The following ADGRB3 variants were observed in gnomAD, a reference collection of about 807,000 sequenced individuals.
ADGRB3 encodes adhesion G protein-coupled receptor B3.
ADGRB3 carries 37 observed loss-of-function variants against 193.4 expected under a neutral mutation model. The observed-to-expected ratio is 0.19, with a 90% CI of 0.15 to 0.25. The LOEUF is 0.25. Ranked by LOEUF, ADGRB3 falls within the 10% of genes least tolerant of loss-of-function variation. ADGRB3 has a pLI of 1.00. For missense variants in ADGRB3, 1,637 were observed against 1,852.9 expected (o/e 0.88, Z 2.14); for synonymous variants, 690 against 644.2 (o/e 1.07, Z -1.08).
At chr6:68,729,918 A>G (rs1039550633) in intron 3 of ADGRB3, among the ~76,000 whole-genome samples, 1 of 151,586 alleles carries the variant, frequency 6.6e-6, no homozygotes, top group Non-Finnish European at 1.5e-5. Flanking sequence ...AGCTCTGGAG[A>G]TACAAAGATG....
chr6:68,926,121 T>A (rs1360643988), intron 3 of ADGRB3, among the ~76,000 whole-genome samples: 1 of 152,116 alleles, frequency 6.6e-6, no homozygotes, highest in African/African-American at 2.4e-5. Context: ...ATCTAGAAAC[T>A]TGCACTTTGG....
chr6:69,045,901 A>T (rs1182034644), intron 13 of ADGRB3, among the ~76,000 whole-genome samples: 1 of 152,164 alleles, frequency 6.6e-6, no homozygotes, highest in African/African-American at 2.4e-5. Context: ...TTTAATCTAG[A>T]CTATGTTCAA....
At chr6:68,716,389 G>T (rs1195571003) in intron 3 of ADGRB3, among the ~76,000 whole-genome samples, 1 of 151,684 alleles carries the variant, frequency 6.6e-6, no homozygotes, top group Non-Finnish European at 1.5e-5. Flanking sequence ...GCATGTCCAT[G>T]ATCAAGAAAG....
intron 20 of ADGRB3, among the ~76,000 whole-genome samples, chr6:69,319,915 T>C (rs1379234772): frequency 6.6e-6 from 1 of 151,512 alleles, no homozygotes; most frequent in Non-Finnish European, 1.5e-5. Flanking sequence ...TTACCATTTA[T>C]TGTGATTTTT....
chr6:68,772,875 AAACAAAC>A (rs1395026613), intron 3 of ADGRB3, among the ~76,000 whole-genome samples: 14 of 22,550 alleles, frequency 6.2e-4, no homozygotes, highest in East Asian at 1.9e-3. Flanking sequence ...ACAAACAAAC[AAACAAAC>A]AAAAAAAAAA....
intron 13 of ADGRB3, among the ~76,000 whole-genome samples, chr6:69,033,869 G>C (rs1562130299): frequency 1.3e-5 from 2 of 151,896 alleles, no homozygotes; most frequent in Non-Finnish European, 2.9e-5. Flanking sequence ...AGATTTAAGG[G>C]GTTTATAATT....
At chr6:69,226,781 G>T (rs569106347) in intron 17 of ADGRB3, among the ~76,000 whole-genome samples, 2 of 152,228 alleles carry the variant, frequency 1.3e-5, no homozygotes, top group Admixed American at 1.3e-4. Context: ...GGTTAATTGC[G>T]TATAACCTCA....
chr6:68,821,002 C>T (rs942782313), intron 3 of ADGRB3, among the ~76,000 whole-genome samples: 7 of 151,936 alleles, frequency 4.6e-5, no homozygotes, highest in African/African-American at 1.4e-4. Context: ...TTCAAGGCCC[C>T]CTTCAAATGT....
chr6:68,693,563 T>G lies in ADGRB3; in HGVS notation c.757+54131T>G, dbSNP rs896078241. On this transcript the variant is annotated intron_variant, in intron 3 of 31. Transcript: ENST00000370598. ...GTGAGCTTAAGAAAGAAAATGATAG[T>G]GGGAAAATTGTTAAAGTCAAATAGT... is the stretch of plus-strand genomic sequence containing the variant. 2.0e-5 allele frequency among the ~76,000 whole-genome samples: 3 copies of G among 151,954 alleles called. No homozygotes were observed. The East Asian group carries it at 5.8e-4, about 29-fold the overall frequency.
intron 17 of ADGRB3, among the ~76,000 whole-genome samples, chr6:69,151,893 C>G (rs923034446): frequency 1.3e-5 from 2 of 152,106 alleles, no homozygotes; most frequent in Admixed American, 6.5e-5. Flanking sequence ...GGTGGTTATT[C>G]TCATGCTGTT....
chr6:69,150,996 A>T (rs772560179), intron 17 of ADGRB3, among the ~76,000 whole-genome samples: 1 of 152,192 alleles, frequency 6.6e-6, no homozygotes, highest in Non-Finnish European at 1.5e-5. Flanking sequence ...CAAAGTCCAC[A>T]TTATGCTTTC....
chr6:68,722,605 C>CTT lies in ADGRB3; in HGVS notation c.757+83184_757+83185dup, dbSNP rs200217245. ...ATTTGTGTTAAATTTATTTCTTTTT[C>CTT]TTTTTTTTTTTTAACTGAATCTATC... On this transcript the variant is annotated intron_variant, in intron 3 of 31. Coordinates refer to ENST00000370598, the MANE Select transcript of ADGRB3 (RefSeq NM_001704.3). Among the ~76,000 whole-genome samples, 23 of 143,292 alleles carry CTT rather than the reference C, an allele frequency of 1.6e-4. No homozygotes were observed. In the East Asian group the frequency reaches 2.4e-3, roughly 15 times the overall value. The allele number at this position is 143,292 out of a possible 152,430, so 94.0% of individuals were successfully genotyped here. A position where few individuals can be genotyped will look rare whatever the true frequency, so the allele number is the denominator to read the frequency against.
Position 69,072,297 on chromosome 6 carries a change from C to T in ADGRB3, c.2437-3698C>T, listed in dbSNP as rs140665861. ...ATTTTGGAACCTATAATAATGCTCA[C>T]ATGTATGGTGTTTAAATTTTCATAA... On this transcript the variant is annotated intron_variant, in intron 16 of 31. Coordinates refer to ENST00000370598, the MANE Select transcript of ADGRB3 (RefSeq NM_001704.3). 3.9e-5 allele frequency among the ~76,000 whole-genome samples: 6 copies of T among 152,174 alleles called. No individual in the cohort carries two copies. The East Asian group carries it at 7.7e-4, about 20-fold the overall frequency.
intron 3 of ADGRB3, among the ~76,000 whole-genome samples, chr6:68,789,820 A>T (rs1767063234): frequency 6.6e-6 from 1 of 152,178 alleles, no homozygotes; most frequent in African/African-American, 2.4e-5. Context: ...CTTTTCACAT[A>T]GTCCCATATT....
At chr6:69,380,351 C>T (rs1769920820) in intron 30 of ADGRB3, among the ~76,000 whole-genome samples, 1 of 151,834 alleles carries the variant, frequency 6.6e-6, no homozygotes. Context: ...GTATAGTTCC[C>T]CAAGGCAAAG....
chr6:68,853,135 C>A (rs1768439164), intron 3 of ADGRB3, among the ~76,000 whole-genome samples: 1 of 152,000 alleles, frequency 6.6e-6, no homozygotes, highest in Non-Finnish European at 1.5e-5. Flanking sequence ...TCATTAGTGT[C>A]TGTAATTTAT....
chr6:69,021,453 T>G (rs1770266722), intron 13 of ADGRB3, among the ~76,000 whole-genome samples: 1 of 151,878 alleles, frequency 6.6e-6, no homozygotes, highest in Admixed American at 6.6e-5. Context: ...GTTTCAGCAT[T>G]TCTGTTTTCT....
At chr6:69,236,577 A>C (rs1010450066) in intron 19 of ADGRB3, among the ~76,000 whole-genome samples, 4 of 152,030 alleles carry the variant, frequency 2.6e-5, no homozygotes, top group Non-Finnish European at 5.9e-5. Flanking sequence ...GGCAGCATTT[A>C]AAGACTAGGA....
intron 20 of ADGRB3, among the ~76,000 whole-genome samples, chr6:69,323,741 A>G (rs902549614): frequency 6.6e-6 from 1 of 152,080 alleles, no homozygotes; most frequent in Non-Finnish European, 1.5e-5. Context: ...AGTTCATTTT[A>G]TAGGATTAGA....
Sources: allele counts gnomAD v4.1 joint callset (sites outside exome capture counted in the v4.1 genomes callset), GRCh38; gene constraint gnomAD v4.1.1; transcripts MANE v1.5; gene names NCBI Gene and HGNC (gene_info 2026-07-23, HGNC 2026-07-21).